Variants in PTPRG observed in about 807,000 individuals in gnomAD.
The protein encoded by PTPRG is receptor-type tyrosine-protein phosphatase gamma.
PTPRG carries 102 observed loss-of-function variants against 165.3 expected under a neutral mutation model. That is an observed-to-expected ratio of 0.62 (90% CI 0.53 to 0.73). The LOEUF is 0.73. Ranked by LOEUF, PTPRG falls within the 30% of genes least tolerant of loss-of-function variation. The pLI is 0.00. For missense variants in PTPRG, 1,866 were observed against 1,861.4 expected, an observed-to-expected ratio of 1.00 and a Z score of -0.05; for synonymous variants, 675 against 669.5, an observed-to-expected ratio of 1.01 and a Z score of -0.13.
chr3:62,265,847 TACACACACACACACACAC>T (rs3046596), intron 17 of PTPRG, among the ~76,000 whole-genome samples: 5 of 126,850 alleles, frequency 3.9e-5, no homozygotes, highest in African/African-American at 1.5e-4. Flanking sequence ...CATACATACA[TACACACACACACACACAC>T]ACACACACAC....
intron 2 of PTPRG, among the ~76,000 whole-genome samples, chr3:61,789,425 C>T (rs897753834): frequency 1.1e-4 from 17 of 152,106 alleles, no homozygotes; most frequent in Admixed American, 9.8e-4. Flanking sequence ...TCTTATAATA[C>T]AGAGATGATT....
intron 2 of PTPRG, among the ~76,000 whole-genome samples, chr3:61,774,054 T>C (rs2034296026): frequency 6.6e-6 from 1 of 152,124 alleles, no homozygotes; most frequent in Non-Finnish European, 1.5e-5. Context: ...GGATAACAGG[T>C]GTGAGCCACT....
Position 62,127,844 on chromosome 3 carries a change from G to A in PTPRG, c.616-4758G>A, listed in dbSNP as rs550174153. ...GTGCTTCCTTTTCATTTTACTTCAA[G>A]CAAGAGTAAACACAGGCCCTCCTGT... is the stretch of plus-strand genomic sequence containing the variant. On this transcript the variant is annotated intron_variant, in intron 5 of 29. Coordinates refer to ENST00000474889, the MANE Select transcript of PTPRG (RefSeq NM_002841.4). 1.2e-4 allele frequency among the ~76,000 whole-genome samples: 19 copies of A among 152,280 alleles called. No individual in the cohort carries two copies. The South Asian group carries it at 3.5e-3, about 28-fold the overall frequency.
intron 4 of PTPRG, among the ~76,000 whole-genome samples, chr3:62,037,102 G>A (rs1314050515): frequency 3.9e-5 from 6 of 152,164 alleles, no homozygotes; most frequent in African/African-American, 1.4e-4. Context: ...CTTTATCAGA[G>A]AAGTACTCAT....
chr3:61,647,059 C>T (rs957077156), intron 1 of PTPRG, among the ~76,000 whole-genome samples: 1 of 152,144 alleles, frequency 6.6e-6, no homozygotes, highest in African/African-American at 2.4e-5. Context: ...AATAAAGCTG[C>T]TTATGAACAT....
At chr3:61,909,781 A>G (rs2038755253) in intron 2 of PTPRG, among the ~76,000 whole-genome samples, 1 of 152,260 alleles carries the variant, frequency 6.6e-6, no homozygotes, top group Non-Finnish European at 1.5e-5. Context: ...GGTTTGTTAG[A>G]GAAATCGAAT....
intron 2 of PTPRG, among the ~76,000 whole-genome samples, chr3:61,877,412 G>A (rs574079385): frequency 2.0e-5 from 3 of 152,154 alleles, no homozygotes; most frequent in Admixed American, 6.5e-5. Flanking sequence ...TTAGGTTACC[G>A]GCAGGGGGTT....
At chr3:62,040,451 C>T (rs888681605) in intron 4 of PTPRG, among the ~76,000 whole-genome samples, 3 of 152,114 alleles carry the variant, frequency 2.0e-5, no homozygotes, top group Non-Finnish European at 4.4e-5. Context: ...CGAAGTTGCA[C>T]GTGAGTCCAG....
At chr3:62,078,056 C>A in intron 4 of PTPRG, 107 bp from the exon 5 acceptor site, 1 of 720,830 alleles carries the variant, frequency 1.4e-6, no homozygotes, top group Non-Finnish European at 2.2e-6. Flanking sequence ...ATAAATTTGG[C>A]AAAATCTTAT....
chr3:61,892,106 T>G (rs891914256), intron 2 of PTPRG, among the ~76,000 whole-genome samples: 3 of 152,228 alleles, frequency 2.0e-5, no homozygotes, highest in African/African-American at 4.8e-5. Flanking sequence ...TAGTTAATAC[T>G]GTTATCTCCA....
At chr3:62,032,537 AT>A (rs112342562) in intron 4 of PTPRG, among the ~76,000 whole-genome samples, 20,506 of 148,052 alleles carry the variant, frequency 0.14, 1,625 homozygotes, top group Admixed American at 0.23. Context: ...GAGCATTCCC[AT>A]TTTTTTTTTT....
chr3:61,763,275 T>A (rs2033912426), intron 2 of PTPRG, among the ~76,000 whole-genome samples: 1 of 152,022 alleles, frequency 6.6e-6, no homozygotes, highest in East Asian at 1.9e-4. Flanking sequence ...TCTCACCCTG[T>A]TGCCCAGGCT....
chr3:61,769,916 T>G (rs1169060931), intron 2 of PTPRG: 1 of 152,188 alleles, frequency 6.6e-6, no homozygotes, highest in Non-Finnish European at 1.5e-5. Context: ...GGCAGACTCC[T>G]TTTTGGTAGA....
chr3:61,682,019 C>T (rs1703458186), intron 1 of PTPRG, among the ~76,000 whole-genome samples: 1 of 151,782 alleles, frequency 6.6e-6, no homozygotes, highest in South Asian at 2.1e-4. Flanking sequence ...GCGTGGGGTG[C>T]ACACCTGTAA....
intron 1 of PTPRG, among the ~76,000 whole-genome samples, chr3:61,565,842 T>A (rs1470274558): frequency 2.0e-5 from 3 of 151,872 alleles, no homozygotes; most frequent in Non-Finnish European, 2.9e-5. Flanking sequence ...TGTGCGGGCT[T>A]TAGTTCTGAT....
At chr3:61,780,264 T>G (rs912371327) in intron 2 of PTPRG, among the ~76,000 whole-genome samples, 25 of 152,226 alleles carry the variant, frequency 1.6e-4, no homozygotes, top group Admixed American at 6.5e-4. Context: ...TTTGTTTTGT[T>G]GTTTCATGGG....
intron 8 of PTPRG, among the ~76,000 whole-genome samples, chr3:62,175,411 TTTGA>T (rs1361185951): frequency 6.6e-6 from 1 of 151,884 alleles, no homozygotes. Flanking sequence ...AGCCCAGGAG[TTTGA>T]GGCCATCCTG....
chr3:62,140,391 T>C (rs1703878135), intron 6 of PTPRG, among the ~76,000 whole-genome samples: 1 of 152,220 alleles, frequency 6.6e-6, no homozygotes, highest in Non-Finnish European at 1.5e-5. Context: ...ATATAGAAGT[T>C]ATAGACTGTT....
chr3:61,780,414 T>A, intron 2 of PTPRG, among the ~76,000 whole-genome samples: 1 of 152,220 alleles, frequency 6.6e-6, no homozygotes, highest in East Asian at 1.9e-4. Flanking sequence ...ACAGGAAAAC[T>A]GGATTTGTCT....
Sources: allele counts gnomAD v4.1 joint callset (sites outside exome capture counted in the v4.1 genomes callset), GRCh38; gene constraint gnomAD v4.1.1; transcripts MANE v1.5; gene names NCBI Gene and HGNC (gene_info 2026-07-23, HGNC 2026-07-21).